NCOA2: variants seen among roughly 807,000 people sequenced by gnomAD.
NCOA2 encodes the protein nuclear receptor coactivator 2, also known as class E basic helix-loop-helix protein 75.
NCOA2 carries 21 observed loss-of-function variants against 145.1 expected under a neutral mutation model. The ratio of observed to expected loss-of-function variants is 0.14; its 90% CI spans 0.10 to 0.21. The LOEUF (loss-of-function observed/expected upper bound fraction) is 0.21, where lower values mean the gene tolerates loss of function less well. Among genes scored for constraint, NCOA2 ranks in the 10% least tolerant of loss-of-function variants. The pLI is 1.00. For synonymous variants in NCOA2, 619 were observed against 637.5 expected, an observed-to-expected ratio of 0.97 and a Z score of 0.44; for missense variants, 1,472 against 1,837.6, an observed-to-expected ratio of 0.80 and a Z score of 3.64.
At chr8:70,214,686 A>G (rs1245610529) in intron 3 of NCOA2, among the ~76,000 whole-genome samples, 1 of 152,200 alleles carries the variant, frequency 6.6e-6, no homozygotes, top group Non-Finnish European at 1.5e-5. Context: ...AATGACATGC[A>G]AAATATAAAC....
intron 15 of NCOA2, among the ~76,000 whole-genome samples, chr8:70,136,118 A>C (rs1809700075): frequency 6.6e-6 from 1 of 152,210 alleles, no homozygotes; most frequent in Non-Finnish European, 1.5e-5. Flanking sequence ...TCACACCTAC[A>C]ATCTCAGCAC....
chr8:70,352,012 T>A (rs565798200), intron 1 of NCOA2, among the ~76,000 whole-genome samples: 2 of 152,118 alleles, frequency 1.3e-5, no homozygotes, highest in African/African-American at 4.8e-5. Flanking sequence ...TTTACAATTA[T>A]GCTTTTTTTC....
At chr8:70,191,758 A>C (rs1816708603) in intron 4 of NCOA2, among the ~76,000 whole-genome samples, 1 of 152,178 alleles carries the variant, frequency 6.6e-6, no homozygotes. Context: ...AAGACTGAAA[A>C]GGCCAGGGAC....
chr8:70,290,018 ACTT>A (rs1329190619), intron 2 of NCOA2, among the ~76,000 whole-genome samples: 3 of 151,792 alleles, frequency 2.0e-5, no homozygotes, highest in African/African-American at 7.3e-5. Flanking sequence ...CCCTACGTAT[ACTT>A]CTTACTTTCT....
At chr8:70,278,830 G>A (rs977180317) in intron 2 of NCOA2, among the ~76,000 whole-genome samples, 4 of 152,096 alleles carry the variant, frequency 2.6e-5, no homozygotes, top group South Asian at 2.1e-4. Flanking sequence ...GCTGGGTGTG[G>A]TGGTGTGCAC....
Position 70,278,341 on chromosome 8 carries a change from G to T in NCOA2, c.-20+18403C>A, listed in dbSNP as rs566522312. ...GATGTTTGGACTGTTTTTATTTTGGGACTATTATGACTAATGCTGCTATGA... is the reference window on the plus strand; with the variant it reads ...GATGTTTGGACTGTTTTTATTTTGGTACTATTATGACTAATGCTGCTATGA... On this transcript the variant is annotated intron_variant, in intron 2 of 22. Coordinates refer to ENST00000452400, the MANE Select transcript of NCOA2 (RefSeq NM_006540.4). Among the ~76,000 whole-genome samples, 34 of 152,220 alleles carry T rather than the reference G, an allele frequency of 2.2e-4. 1 individual carries two copies. The South Asian group carries it at 6.8e-3, about 31-fold the overall frequency.
the NCOA2 span, chr8:70,424,467 A>C: frequency 1.9e-6 from 1 of 513,046 alleles, no homozygotes; most frequent in South Asian, 1.5e-5. Flanking sequence ...CATATCTTCG[A>C]CCCACACCCT....
In NCOA2 at chr8:70,163,360, G is replaced by A. The variant is rs1813259735; in HGVS notation, c.832+105C>T. 5.3e-6 allele frequency: 4 copies of A among 756,624 alleles called. No individual in the cohort carries two copies. The East Asian group carries it at 1.1e-4, about 20-fold the overall frequency. The allele number at this position is 756,624 out of a possible 1,614,324, so 46.9% of individuals were successfully genotyped here. ...TGACATTTCTACTGCAGCAGCAATT[G>A]CTAGTACTAGCATCCTTACAGTCTT... On this transcript the variant is annotated intron_variant, in intron 8 of 22. Transcript: ENST00000452400.
At position 70,156,901 on chromosome 8, in the gene NCOA2, T is replaced by C. The variant is rs1203149239; in HGVS notation, c.1464A>G (p.Pro488=). 6.2e-7 allele frequency: 1 copy of C among 1,613,942 alleles called. No individual in the cohort carries two copies. The highest frequency in any genetic ancestry group is 8.5e-7 in the Non-Finnish European group (1 of 1,179,862). The part of the protein sequence containing the change: ...NPGQPTSMLS[P]RHRMSPGVAG... ...CCACTCCAGGGCTCATGCGATGCCTTGGTGAAAGCATGGAGGTGGGCTGTC... is the reference window on the plus strand; with the variant it reads ...CCACTCCAGGGCTCATGCGATGCCTCGGTGAAAGCATGGAGGTGGGCTGTC... The change falls in exon 11 of 23, where the codon CCA becomes CCG. Residue 488 remains proline (P), a synonymous_variant. Transcript: ENST00000452400.
the NCOA2 span, among the ~76,000 whole-genome samples, chr8:70,423,347 C>A: frequency 6.6e-6 from 1 of 152,114 alleles, no homozygotes; most frequent in African/African-American, 2.4e-5. Flanking sequence ...CCATGCCTGG[C>A]TAATTTTGTA....
chr8:70,429,923 A>C, the NCOA2 span, among the ~76,000 whole-genome samples: 1 of 152,084 alleles, frequency 6.6e-6, no homozygotes, highest in African/African-American at 2.4e-5. Flanking sequence ...CCCAGGCTGG[A>C]GTGCCATGGT....
chr8:70,322,106 ACT>A (rs934614000), intron 1 of NCOA2, among the ~76,000 whole-genome samples: 1 of 151,292 alleles, frequency 6.6e-6, no homozygotes, highest in African/African-American at 2.4e-5. Flanking sequence ...ACAAAGCATG[ACT>A]CTGTCTCCAG....
chr8:70,309,936 G>A (rs532042096), intron 1 of NCOA2, among the ~76,000 whole-genome samples: 141 of 152,076 alleles, frequency 9.3e-4, no homozygotes, highest in Non-Finnish European at 1.8e-3. Flanking sequence ...CATGGAGACA[G>A]AGCAAGACCC....
chr8:70,445,291 T>C, the NCOA2 span, among the ~76,000 whole-genome samples: 7 of 152,310 alleles, frequency 4.6e-5, no homozygotes, highest in African/African-American at 1.2e-4. Flanking sequence ...AAAGAACCAA[T>C]AGAGTAAATG....
At chr8:70,243,919 C>T (rs1219876005) in intron 2 of NCOA2, among the ~76,000 whole-genome samples, 7 of 151,672 alleles carry the variant, frequency 4.6e-5, no homozygotes, top group Non-Finnish European at 8.8e-5. Context: ...AAAGAAAATC[C>T]CATTTAATAA....
At chr8:70,314,954 A>G (rs1039150900) in intron 1 of NCOA2, among the ~76,000 whole-genome samples, 2 of 152,208 alleles carry the variant, frequency 1.3e-5, no homozygotes, top group Non-Finnish European at 2.9e-5. Flanking sequence ...TCACTCCTAC[A>G]TATCTGAGCC....
intron 1 of NCOA2, among the ~76,000 whole-genome samples, chr8:70,346,333 A>C (rs550449931): frequency 6.6e-6 from 1 of 152,168 alleles, no homozygotes; most frequent in Non-Finnish European, 1.5e-5. Flanking sequence ...TGTAAATATC[A>C]AACTGCTTGC....
chr8:70,367,869 A>G (rs1225167671), intron 1 of NCOA2, among the ~76,000 whole-genome samples: 1 of 152,186 alleles, frequency 6.6e-6, no homozygotes, highest in African/African-American at 2.4e-5. Flanking sequence ...ATAAATGACA[A>G]CCTTTTACAA....
At chr8:70,258,290 G>A (rs1333939621) in intron 2 of NCOA2, among the ~76,000 whole-genome samples, 1 of 152,178 alleles carries the variant, frequency 6.6e-6, no homozygotes, top group Non-Finnish European at 1.5e-5. Context: ...CTTGTCTGCT[G>A]ATGCAGTATC....
Sources: allele counts gnomAD v4.1 joint callset (sites outside exome capture counted in the v4.1 genomes callset), GRCh38; gene constraint gnomAD v4.1.1; transcripts MANE v1.5; gene names NCBI Gene and HGNC (gene_info 2026-07-23, HGNC 2026-07-21).